SLC6A5: variants seen among roughly 807,000 people sequenced by gnomAD.
The protein encoded by SLC6A5 is solute carrier family 6 member 5.
SLC6A5 carries 58 observed loss-of-function variants against 90.5 expected under a neutral mutation model. The ratio of observed to expected loss-of-function variants is 0.64; its 90% CI spans 0.52 to 0.80. The LOEUF is 0.80. Among genes scored for constraint, SLC6A5 ranks in the 30% least tolerant of loss-of-function variants. The pLI, the probability that SLC6A5 is intolerant of heterozygous loss-of-function variation, is 0.00. For missense variants in SLC6A5, 1,015 were observed against 1,017.6 expected (o/e 1.00, Z 0.03); for synonymous variants, 427 against 401.4 (o/e 1.06, Z -0.76).
At chr11:20,599,826 T>G in intron 1 of SLC6A5, 151 bp downstream of exon 1, 1 of 958,164 alleles carries the variant, frequency 1.0e-6, no homozygotes, top group Non-Finnish European at 1.7e-6. Context: ...CCCTAGGTAT[T>G]TGTACTTGTG....
intron 3 of SLC6A5, among the ~76,000 whole-genome samples, chr11:20,604,768 A>G (rs1255324082): frequency 6.6e-6 from 1 of 152,036 alleles, no homozygotes; most frequent in African/African-American, 2.4e-5. Flanking sequence ...CGGGCATCCA[A>G]CGAGGTTAGA....
chr11:20,626,655 G>T, intron 7 of SLC6A5, 53 bp from the exon 8 acceptor site: 1 of 1,604,666 alleles, frequency 6.2e-7, no homozygotes, highest in Non-Finnish European at 8.5e-7. Flanking sequence ...CTTCTGCACA[G>T]GTGCACTCTG....
At chr11:20,603,883 T>C (rs1852524929) in intron 2 of SLC6A5, among the ~76,000 whole-genome samples, 4 of 151,516 alleles carry the variant, frequency 2.6e-5, no homozygotes, top group Non-Finnish European at 1.5e-5. Context: ...AGGCATGATG[T>C]TGGGGGAGCC....
intron 2 of SLC6A5, among the ~76,000 whole-genome samples, chr11:20,603,721 A>G (rs1000979100): frequency 1.3e-5 from 2 of 152,216 alleles, no homozygotes; most frequent in Non-Finnish European, 2.9e-5. Flanking sequence ...TGGTCAAGAA[A>G]GTAAGGCAGG....
chr11:20,624,527 C>T (rs1198420371), intron 7 of SLC6A5, among the ~76,000 whole-genome samples: 1 of 152,162 alleles, frequency 6.6e-6, no homozygotes, highest in Non-Finnish European at 1.5e-5. Context: ...AATCCGTCCT[C>T]ATCTCCTGAA....
chr11:20,608,327 A>C (rs965121244), intron 5 of SLC6A5, among the ~76,000 whole-genome samples: 7 of 152,194 alleles, frequency 4.6e-5, no homozygotes. Flanking sequence ...CCTTGGCAGA[A>C]AGTGTCAGCT....
At chr11:20,650,752 C>T (rs1853512834) in intron 14 of SLC6A5, among the ~76,000 whole-genome samples, 1 of 149,268 alleles carries the variant, frequency 6.7e-6, no homozygotes, top group African/African-American at 2.5e-5. Context: ...CTGCAAGCTC[C>T]GCCTCCCGGG....
rs200051883 is a variant in SLC6A5, at chr11:20,629,730, AT to A, written c.1500-944del. Among the ~76,000 whole-genome samples the A allele has an allele frequency of 0.031, 4,226 of 137,616 alleles. 327 individuals carry two copies. In the East Asian group the frequency reaches 0.36, roughly 12 times the overall value. 90.3% of individuals were successfully genotyped at this position (137,616 alleles called of 152,430 possible). ...AGTCATCTCATAGTGCTGTAGGATG[AT>A]TTTTTTTTTTTTTTTTGAGATGGAG... On this transcript the variant is annotated intron_variant, in intron 9 of 15. Coordinates refer to ENST00000525748, the MANE Select transcript of SLC6A5 (RefSeq NM_004211.5).
At position 20,655,708 on chromosome 11, in the gene SLC6A5, C is replaced by T. The variant is rs918952566; in HGVS notation, c.*840C>T. The T allele has an allele frequency of 2.6e-5, 4 of 152,194 alleles. No homozygotes were observed. Among genetic ancestry groups the T allele is most frequent in the Non-Finnish European group, 4.4e-5 (3 of 68,052 alleles). The allele number at this position is 152,194 out of a possible 1,614,324, so 9.4% of individuals were successfully genotyped here. A position where few individuals can be genotyped will look rare whatever the true frequency, so the allele number is the denominator to read the frequency against. On this transcript the variant is annotated 3_prime_UTR_variant, in exon 16 of 16. Coordinates refer to ENST00000525748, the MANE Select transcript of SLC6A5 (RefSeq NM_004211.5). ...GATATTTAGCACCATGGTTCAATGT[C>T]ACGATCCTGTGTTTCTTCTCTAAAT...
At chr11:20,611,251 T>TG (rs964483081) in intron 5 of SLC6A5, among the ~76,000 whole-genome samples, 6 of 152,156 alleles carry the variant, frequency 3.9e-5, no homozygotes, top group Admixed American at 3.9e-4. Context: ...GGCCAGGAGT[T>TG]GGAGACCATC....
chr11:20,638,419 C>A, intron 12 of SLC6A5, 40 bp from the exon 13 acceptor site: 1 of 1,255,264 alleles, frequency 8.0e-7, no homozygotes, highest in Non-Finnish European at 1.2e-6. Context: ...AGCCTGGCTT[C>A]AGGACGCATT....
At chr11:20,613,980 TG>T (rs1242628772) in intron 5 of SLC6A5, among the ~76,000 whole-genome samples, 1 of 152,190 alleles carries the variant, frequency 6.6e-6, no homozygotes, top group East Asian at 1.9e-4. Flanking sequence ...ACATGTTTCC[TG>T]GAGAGAAGAC....
chr11:20,602,677 T>C (rs1852502178), intron 2 of SLC6A5, among the ~76,000 whole-genome samples: 1 of 128,566 alleles, frequency 7.8e-6, no homozygotes, highest in African/African-American at 3.1e-5. Flanking sequence ...CTATCCTTAG[T>C]CACTTTAGTG....
rs1852470065 is a variant in SLC6A5 at position 20,601,325 on chromosome 11, C to T, written c.200C>T (p.Ala67Val). The part of the protein sequence containing the change: ...TGAQTFQSAD[A>V]RACEAERPGV... ...GCCCAAACTTTCCAGTCAGCGGACG[C>T]GCGAGCCTGCGAGGCTGAGCGGCCA... The change falls in exon 2 of 16, where the codon GCG becomes GTG. Residue 67 changes from alanine (A) to valine (V), a missense_variant. By Grantham distance (64) the Ala-to-Val change is moderately conservative. This residue lies in a region of SLC6A5 where 567 missense variants were observed against 507.3 expected (regional missense o/e 1.12). Transcript: ENST00000525748. The T allele has an allele frequency of 6.3e-7, 1 of 1,593,546 alleles. No homozygotes were observed. Among genetic ancestry groups the T allele is most frequent in the African/African-American group, 1.3e-5 (1 of 74,802 alleles).
chr11:20,620,175 G>A (rs1208886871), intron 7 of SLC6A5, among the ~76,000 whole-genome samples: 1 of 152,158 alleles, frequency 6.6e-6, no homozygotes, highest in African/African-American at 2.4e-5. Context: ...TGGCCAGACA[G>A]GTGCCTAGTA....
chr11:20,601,852 C>T (rs1852487353), intron 2 of SLC6A5, among the ~76,000 whole-genome samples, 187 bp downstream of exon 2: 1 of 152,168 alleles, frequency 6.6e-6, no homozygotes, highest in Non-Finnish European at 1.5e-5. Context: ...GTTCAGGGCG[C>T]GAGGGCTGCA....
intron 14 of SLC6A5, among the ~76,000 whole-genome samples, chr11:20,649,001 C>G (rs1310112123): frequency 6.6e-6 from 1 of 152,098 alleles, no homozygotes; most frequent in African/African-American, 2.4e-5. Context: ...AGAATTGAAT[C>G]CAGGACTGTC....
intron 13 of SLC6A5, among the ~76,000 whole-genome samples, chr11:20,641,502 A>C (rs1004820594): frequency 7.9e-5 from 11 of 139,568 alleles, no homozygotes; most frequent in African/African-American, 3.7e-4. Flanking sequence ...AAACCCCCCA[A>C]AAACAACAAA....
chr11:20,656,927 G>C lies in SLC6A5; in HGVS notation c.*2059G>C, dbSNP rs984619171. ...ATTACTGCAGCAGACGTCGCACAATGGTACCAAAAATGAGCCTCTCCAGCT... is the reference window on the plus strand; with the variant it reads ...ATTACTGCAGCAGACGTCGCACAATCGTACCAAAAATGAGCCTCTCCAGCT... On this transcript the variant is annotated 3_prime_UTR_variant, in exon 16 of 16. Transcript: ENST00000525748. 1 of 152,158 alleles carries C rather than the reference G, an allele frequency of 6.6e-6. No homozygotes were observed. Among genetic ancestry groups the C allele is most frequent in the Non-Finnish European group, 1.5e-5 (1 of 68,054 alleles). The allele number at this position is 152,158 out of a possible 1,614,324, so 9.4% of individuals were successfully genotyped here.
Sources: gnomAD v4.1 joint callset for allele counts (sites outside exome capture counted in the v4.1 genomes callset) on GRCh38, gnomAD v4.1.1 for gene constraint, gnomAD v4.1.1 regional missense constraint, MANE v1.5 for transcripts, NCBI Gene and HGNC (gene_info 2026-07-23, HGNC 2026-07-21) for gene names.